DMXL2: variants seen among roughly 807,000 people sequenced by gnomAD.
DMXL2 encodes Dmx like 2.
DMXL2 carries 103 observed loss-of-function variants against 331.1 expected under a neutral mutation model. That is an observed-to-expected ratio of 0.31 (90% CI 0.27 to 0.37). The LOEUF is 0.37. Among genes scored for constraint, DMXL2 ranks in the 10% least tolerant of loss-of-function variants. The probability of loss-of-function intolerance (pLI) is 1.00; values close to 1 mark genes in which losing one functional copy is unlikely to be tolerated. For synonymous variants in DMXL2, 1,281 were observed against 1,252.1 expected (o/e 1.02, Z -0.49); for missense variants, 3,171 against 3,642.9 (o/e 0.87, Z 3.33).
intron 1 of DMXL2, among the ~76,000 whole-genome samples, chr15:51,587,050 C>T (rs528910183): frequency 2.8e-4 from 42 of 151,180 alleles, no homozygotes; most frequent in African/African-American, 1.0e-3. Context: ...CAAAAACCTA[C>T]AGTCACCTTT....
chr15:51,552,475 TCTTTG>T (rs1006855168), intron 6 of DMXL2, among the ~76,000 whole-genome samples: 1 of 152,210 alleles, frequency 6.6e-6, no homozygotes, highest in Admixed American at 6.5e-5. Flanking sequence ...CACAAAAGTT[TCTTTG>T]CTTTAATTTA....
In DMXL2 at chr15:51,614,787, T is replaced by TG. The variant is rs199839178; in HGVS notation, c.87+7671dup. ...CAGGCACTCAGGTTTTTATTCTGAG[T>TG]GGAAAAAAAAGCCACGTGAAAGTCT... is the stretch of plus-strand genomic sequence containing the variant. On this transcript the variant is annotated intron_variant, in intron 1 of 43. Coordinates refer to ENST00000560891, the MANE Select transcript of DMXL2 (RefSeq NM_001378457.1). 3.0e-3 allele frequency among the ~76,000 whole-genome samples: 457 copies of TG among 152,032 alleles called. 2 individuals carry two copies. Among genetic ancestry groups the TG allele is most frequent in the African/African-American group, 9.5e-3 (393 of 41,468 alleles).
chr15:51,453,800 TA>T (rs1031766146), intron 40 of DMXL2, among the ~76,000 whole-genome samples, 159 bp from the exon 41 acceptor site: 11 of 152,248 alleles, frequency 7.2e-5, no homozygotes, highest in Admixed American at 2.0e-4. Flanking sequence ...GTATGAGGCT[TA>T]ACTGTCATGT....
At chr15:51,537,060 T>A (rs1489759996) in intron 11 of DMXL2, among the ~76,000 whole-genome samples, 198 bp from the exon 12 acceptor site, 1 of 152,108 alleles carries the variant, frequency 6.6e-6, no homozygotes. Flanking sequence ...AGAAAAAAAG[T>A]TCAAGTGCTT....
chr15:51,483,957 AGCCTTAT>A (rs1462142649), intron 23 of DMXL2, among the ~76,000 whole-genome samples: 1 of 152,144 alleles, frequency 6.6e-6, no homozygotes, highest in Non-Finnish European at 1.5e-5. Flanking sequence ...CCAGCTGAGC[AGCCTTAT>A]GCCCACACCT....
chr15:51,605,184 G>A (rs962220126), intron 1 of DMXL2, among the ~76,000 whole-genome samples: 40 of 151,926 alleles, frequency 2.6e-4, no homozygotes, highest in African/African-American at 8.7e-4. Flanking sequence ...ACAGTACAAC[G>A]GGGGAAAAAA....
chr15:51,510,412 AACAG>A (rs1164817249), intron 15 of DMXL2, among the ~76,000 whole-genome samples: 3 of 152,180 alleles, frequency 2.0e-5, no homozygotes, highest in Admixed American at 6.5e-5. Context: ...ATACACCAAT[AACAG>A]ACAGAGAGCC....
chr15:51,513,074 AG>A (rs1166198877), intron 15 of DMXL2, among the ~76,000 whole-genome samples: 1 of 152,208 alleles, frequency 6.6e-6, no homozygotes, highest in African/African-American at 2.4e-5. Flanking sequence ...AAAATCAGGA[AG>A]AAAGAGAAAT....
intron 2 of DMXL2, among the ~76,000 whole-genome samples, chr15:51,574,683 G>A (rs2050899877): frequency 6.6e-6 from 1 of 152,102 alleles, no homozygotes; most frequent in Non-Finnish European, 1.5e-5. Flanking sequence ...GGGGATAAAA[G>A]GACTAAACGA....
chr15:51,457,340 A>G lies in DMXL2; in HGVS notation c.8325T>C (p.Thr2775=), dbSNP rs780363174. The G allele has an allele frequency of 6.2e-7, 1 of 1,613,440 alleles. No individual in the cohort carries two copies. The highest frequency in any genetic ancestry group is 1.7e-5 in the Admixed American group (1 of 59,798). The change falls in exon 37 of 44, where the codon ACT becomes ACC. Residue 2775 remains threonine, a synonymous_variant. Transcript: ENST00000560891. The part of the protein sequence containing the change: ...LPWLGTGQTS[T]GASVLMKRNL... ...GTAAATAACATACCACACTAGCTCC[A>G]GTGCTAGTCTGTCCAGTGCCCAGCC...
rs148160180 is a variant in DMXL2, at chr15:51,504,142, C to T, written c.2765-1109G>A. Among the ~76,000 whole-genome samples the T allele has an allele frequency of 3.6e-3, 544 of 152,088 alleles. 3 individuals are homozygous for T. The highest frequency in any genetic ancestry group is 6.4e-3 in the Non-Finnish European group (432 of 67,970). On this transcript the variant is annotated intron_variant, in intron 16 of 43. Transcript: ENST00000560891. ...CTGATTTAGATGATATGGGGTAGAT[C>T]CCAGTAAAGCAGCCCAGGTGTTTTT... is the stretch of plus-strand genomic sequence containing the variant.
rs577021004 is a variant in DMXL2 at position 51,564,260 on chromosome 15, T to C, written c.365A>G (p.Asp122Gly). ...VTYNLAWDPQ[D>G]NRLLTATDSI... ...ATCAGTTGCTGTCAACAATCTATTA[T>C]CTGAAAATTAAAGAATGTTATGATG... The change falls in exon 5 of 44, where the codon GAT becomes GGT. Residue 122 changes from aspartate to glycine, a missense_variant and splice_region_variant. Coordinates refer to ENST00000560891, the MANE Select transcript of DMXL2 (RefSeq NM_001378457.1). The C allele has an allele frequency of 6.4e-7, 1 of 1,574,596 alleles. No individual in the cohort carries two copies. Among genetic ancestry groups the C allele is most frequent in the South Asian group, 1.2e-5 (1 of 83,274 alleles).
chr15:51,480,965 A>G lies in DMXL2; in HGVS notation c.6141T>C (p.Cys2047=). ...VIAEQLKFRA[C]LKILMTELRT... is the part of the protein sequence containing the mutation. ...TTAATTCAGTCATAAGGATCTTTAAACAAGCTCTGAATTTTAGTTGTTCAG... is the reference window on the plus strand; with the variant it reads ...TTAATTCAGTCATAAGGATCTTTAAGCAAGCTCTGAATTTTAGTTGTTCAG... The change falls in exon 24 of 44, where the codon TGT becomes TGC. Residue 2047 remains cysteine (C), a synonymous_variant. Coordinates refer to ENST00000560891, the MANE Select transcript of DMXL2 (RefSeq NM_001378457.1). 1 of 1,614,134 alleles carries G rather than the reference A, an allele frequency of 6.2e-7. No homozygotes were observed. Among genetic ancestry groups the G allele is most frequent in the Non-Finnish European group, 8.5e-7 (1 of 1,180,000 alleles).
At chr15:51,581,631 A>G (rs2051427019) in intron 1 of DMXL2, among the ~76,000 whole-genome samples, 1 of 152,220 alleles carries the variant, frequency 6.6e-6, no homozygotes, top group Non-Finnish European at 1.5e-5. Context: ...CTAATACTCT[A>G]ATCCCACAAA....
intron 1 of DMXL2, among the ~76,000 whole-genome samples, chr15:51,600,674 G>A (rs552854903): frequency 5.3e-5 from 8 of 152,158 alleles, no homozygotes; most frequent in South Asian, 2.1e-4. Flanking sequence ...CTAATTCTCC[G>A]CTTGGTCAGG....
chr15:51,530,849 T>C (rs2047960748), intron 13 of DMXL2, among the ~76,000 whole-genome samples: 1 of 152,072 alleles, frequency 6.6e-6, no homozygotes, highest in Non-Finnish European at 1.5e-5. Context: ...ATCTCTATAA[T>C]GAAAACTGTA....
At chr15:51,476,552 T>C in intron 27 of DMXL2, 37 bp downstream of exon 27, 1 of 1,590,544 alleles carries the variant, frequency 6.3e-7, no homozygotes, top group Non-Finnish European at 8.5e-7. Flanking sequence ...AATTGCCAAC[T>C]AGAAGATTTT....
intron 18 of DMXL2, 29 bp downstream of exon 18, chr15:51,498,523 C>G (rs1339262107): frequency 2.6e-5 from 41 of 1,583,432 alleles, no homozygotes; most frequent in Non-Finnish European, 2.8e-5. Context: ...TTAGGTACAA[C>G]TTTATAAATT....
intron 13 of DMXL2, among the ~76,000 whole-genome samples, chr15:51,534,353 C>G (rs2048167449): frequency 6.6e-6 from 1 of 152,166 alleles, no homozygotes; most frequent in South Asian, 2.1e-4. Context: ...TCACAGGTTA[C>G]AAGAAAGCTG....
Sources: allele counts gnomAD v4.1 joint callset (sites outside exome capture counted in the v4.1 genomes callset), GRCh38; gene constraint gnomAD v4.1.1; transcripts MANE v1.5; gene names NCBI Gene and HGNC (gene_info 2026-07-23, HGNC 2026-07-21).